GLI2: variants seen among roughly 807,000 people sequenced by gnomAD.
GLI2 encodes the protein GLI family zinc finger 2, also known as transcription activator GLI2.
Under a neutral mutation model 78.9 loss-of-function variants are expected in GLI2, and 22 were observed. The ratio of observed to expected loss-of-function variants is 0.28; its 90% CI spans 0.20 to 0.40. The LOEUF (loss-of-function observed/expected upper bound fraction) is 0.40. GLI2 is among the 10% of genes least tolerant of loss of function. GLI2 has a pLI of 1.00. For synonymous variants in GLI2, 974 were observed against 963.7 expected (o/e 1.01, Z -0.20); for missense variants, 2,097 against 2,213.2 (o/e 0.95, Z 1.05).
At chr2:120,842,278 TTA>T (rs1686922954) in intron 2 of GLI2, among the ~76,000 whole-genome samples, 1 of 152,172 alleles carries the variant, frequency 6.6e-6, no homozygotes, top group African/African-American at 2.4e-5. Flanking sequence ...TTGTTTATAT[TTA>T]TATATGTGTG....
intron 1 of GLI2, among the ~76,000 whole-genome samples, chr2:120,775,191 G>C (rs1433013481): frequency 6.6e-6 from 1 of 152,090 alleles, no homozygotes; most frequent in Non-Finnish European, 1.5e-5. Context: ...GTAGATATGG[G>C]CCCGCTCAGC....
In GLI2 at chr2:120,989,675, T is replaced by C; in HGVS notation, c.3710T>C (p.Leu1237Pro). 1 of 1,613,360 alleles carries C rather than the reference T, an allele frequency of 6.2e-7. No individual in the cohort carries two copies. Among genetic ancestry groups the C allele is most frequent in the South Asian group, 1.1e-5 (1 of 91,084 alleles). ...TGCTATGGCCAAGTCCACCCCCAGC[T>C]GAGCCCCAGCACCATCAGTGGGGCC... ...HACYGQVHPQLSPSTISGALN... is the reference protein window; with the variant it reads ...HACYGQVHPQPSPSTISGALN... Residue 1237 changes from leucine to proline, a missense_variant, in exon 14 of 14, where the codon CTG (leucine) becomes CCG (proline). This residue lies in a region of GLI2 where 1,290 missense variants were observed against 1,261.7 expected (regional missense o/e 1.02). Coordinates refer to ENST00000361492, the MANE Select transcript of GLI2 (RefSeq NM_001374353.1).
chr2:120,864,625 C>A (rs1237801825), intron 2 of GLI2, among the ~76,000 whole-genome samples: 1 of 152,244 alleles, frequency 6.6e-6, no homozygotes, highest in East Asian at 1.9e-4. Context: ...GTGCCCACCA[C>A]CACACCCAGC....
At chr2:120,851,508 G>T (rs1158159293) in intron 2 of GLI2, among the ~76,000 whole-genome samples, 1 of 152,238 alleles carries the variant, frequency 6.6e-6, no homozygotes. Context: ...CTTTGTCAAG[G>T]CTGCTGTGTG....
At chr2:120,933,865 T>TG (rs1558894114) in intron 3 of GLI2, among the ~76,000 whole-genome samples, 1 of 147,592 alleles carries the variant, frequency 6.8e-6, no homozygotes, top group Non-Finnish European at 1.5e-5. Flanking sequence ...TGCCCTGCCC[T>TG]GCCCTGCCCT....
At chr2:120,919,945 G>A (rs542529348) in intron 2 of GLI2, among the ~76,000 whole-genome samples, 2 of 152,338 alleles carry the variant, frequency 1.3e-5, no homozygotes, top group Non-Finnish European at 2.9e-5. Flanking sequence ...GCGCTGCCTC[G>A]TCGTAACACA....
intron 3 of GLI2, among the ~76,000 whole-genome samples, chr2:120,928,070 G>A (rs189675651): frequency 6.6e-6 from 1 of 152,176 alleles, no homozygotes; most frequent in East Asian, 1.9e-4. Flanking sequence ...TTGGCCTTTA[G>A]GGCTCAAAAG....
intron 5 of GLI2, among the ~76,000 whole-genome samples, chr2:120,963,637 C>T (rs1423537891): frequency 6.6e-6 from 1 of 151,972 alleles, no homozygotes; most frequent in African/African-American, 2.4e-5. Flanking sequence ...CCACCTGGGG[C>T]CCCCCTCCCA....
Position 120,844,867 on chromosome 2 carries a change from C to T in GLI2, c.148+47399C>T, listed in dbSNP as rs973771472. On this transcript the variant is annotated intron_variant, in intron 2 of 13. Transcript: ENST00000361492. ...ATAGTGTCCTGAAAATAAGGCTTCA[C>T]CTGTGAGTTGCTGCATGATTCCAGG... 2.6e-5 allele frequency among the ~76,000 whole-genome samples: 4 copies of T among 152,150 alleles called. No homozygotes were observed. The South Asian group carries it at 8.3e-4, about 32-fold the overall frequency.
At chr2:120,751,492 A>G (rs1290539366) in intron 1 of GLI2, among the ~76,000 whole-genome samples, 2 of 152,254 alleles carry the variant, frequency 1.3e-5, no homozygotes, top group Admixed American at 6.5e-5. Flanking sequence ...TTTCTTTATC[A>G]TAAGTAATTA....
At chr2:120,959,799 G>A (rs1217417388) in intron 5 of GLI2, among the ~76,000 whole-genome samples, 1 of 152,222 alleles carries the variant, frequency 6.6e-6, no homozygotes, top group African/African-American at 2.4e-5. Context: ...GAATGTGAAT[G>A]AGCGTTTCCA....
intron 2 of GLI2, among the ~76,000 whole-genome samples, chr2:120,879,789 G>C (rs953269739): frequency 6.6e-6 from 1 of 152,180 alleles, no homozygotes; most frequent in Non-Finnish European, 1.5e-5. Context: ...AACTCTGCAC[G>C]CGCCTGTTCT....
intron 2 of GLI2, among the ~76,000 whole-genome samples, chr2:120,843,858 G>C (rs1686993916): frequency 6.6e-6 from 1 of 152,126 alleles, no homozygotes; most frequent in South Asian, 2.1e-4. Flanking sequence ...GTAGAGACAG[G>C]GTTTCACCAT....
chr2:120,955,088 A>G (rs1206939332), intron 4 of GLI2, among the ~76,000 whole-genome samples, 157 bp from the exon 5 acceptor site: 1 of 150,744 alleles, frequency 6.6e-6, no homozygotes, highest in African/African-American at 2.4e-5. Context: ...CAGTGCAAAC[A>G]GTGGGGCAGT....
At chr2:120,778,027 T>C (rs1185950711) in intron 1 of GLI2, among the ~76,000 whole-genome samples, 1 of 152,026 alleles carries the variant, frequency 6.6e-6, no homozygotes, top group Non-Finnish European at 1.5e-5. Context: ...AAACACGGGG[T>C]TGGCAGCGTG....
At chr2:120,889,583 A>C (rs1400587561) in intron 2 of GLI2, among the ~76,000 whole-genome samples, 2 of 152,210 alleles carry the variant, frequency 1.3e-5, no homozygotes, top group Non-Finnish European at 2.9e-5. Flanking sequence ...TGCAAACCTC[A>C]TACCTGACAA....
chr2:120,813,034 A>G (rs1211134296), intron 2 of GLI2, among the ~76,000 whole-genome samples: 1 of 152,224 alleles, frequency 6.6e-6, no homozygotes, highest in East Asian at 1.9e-4. Context: ...CGAGGTCCCC[A>G]GACGATGGCT....
intron 2 of GLI2, among the ~76,000 whole-genome samples, chr2:120,890,431 A>C: frequency 8.0e-6 from 1 of 124,390 alleles, no homozygotes. Context: ...AACTAAATGC[A>C]CACACATTCA....
At chr2:120,984,805 C>G (rs560330396) in intron 12 of GLI2, 62 bp downstream of exon 12, 18 of 1,566,774 alleles carry the variant, frequency 1.1e-5, no homozygotes, top group Non-Finnish European at 1.6e-5. Flanking sequence ...CAGGGCCACC[C>G]CTTGCCACGG....
Sources: gnomAD v4.1 joint callset for allele counts (sites outside exome capture counted in the v4.1 genomes callset) on GRCh38, gnomAD v4.1.1 for gene constraint, gnomAD v4.1.1 regional missense constraint, MANE v1.5 for transcripts, NCBI Gene and HGNC (gene_info 2026-07-23, HGNC 2026-07-21) for gene names.